The following TIAM2 variants were observed in gnomAD, a reference collection of about 807,000 sequenced individuals.
TIAM2 encodes the protein rho guanine nucleotide exchange factor TIAM2.
In TIAM2, 80 loss-of-function variants were observed where a neutral mutation model predicts 152.9. That is an observed-to-expected ratio of 0.52 (90% CI 0.44 to 0.63). TIAM2 has a LOEUF of 0.63. Among genes scored for constraint, TIAM2 ranks in the 30% least tolerant of loss-of-function variants. The pLI is 0.00. For missense variants in TIAM2, 1,965 were observed against 2,120.1 expected, an observed-to-expected ratio of 0.93 and a Z score of 1.44; for synonymous variants, 804 against 838.0, an observed-to-expected ratio of 0.96 and a Z score of 0.70.
chr6:155,099,485 G>A (rs1026377215), intron 2 of TIAM2, among the ~76,000 whole-genome samples: 1 of 152,000 alleles, frequency 6.6e-6, no homozygotes, highest in Non-Finnish European at 1.5e-5. Context: ...AATTTATCTT[G>A]TTCTTCATTT....
chr6:155,032,628 C>T (rs1255236110), intron 1 of TIAM2, among the ~76,000 whole-genome samples: 4 of 152,088 alleles, frequency 2.6e-5, no homozygotes, highest in African/African-American at 9.7e-5. Context: ...GCAACCTCTA[C>T]CTCCCGGGTT....
At chr6:155,062,858 A>G (rs142695897) in intron 1 of TIAM2, among the ~76,000 whole-genome samples, 32 of 152,244 alleles carry the variant, frequency 2.1e-4, no homozygotes, top group African/African-American at 7.2e-4. Context: ...TACAGGCGTG[A>G]GCCACCATGC....
chr6:155,246,247 G>A (rs1783323129), intron 19 of TIAM2, among the ~76,000 whole-genome samples: 1 of 152,056 alleles, frequency 6.6e-6, no homozygotes, highest in African/African-American at 2.4e-5. Flanking sequence ...GAGGGCATCT[G>A]GAGGTTTATC....
At chr6:155,080,150 C>T (rs1289301238) in intron 1 of TIAM2, among the ~76,000 whole-genome samples, 10 of 151,948 alleles carry the variant, frequency 6.6e-5, no homozygotes, top group South Asian at 2.1e-4. Flanking sequence ...CAGAGAGGCA[C>T]GTTATCCGCC....
intron 5 of TIAM2, among the ~76,000 whole-genome samples, chr6:155,138,784 C>T (rs1017336101): frequency 3.9e-5 from 6 of 152,074 alleles, no homozygotes; most frequent in Admixed American, 6.5e-5. Flanking sequence ...TTTATGGCTG[C>T]ATAGTATTCT....
At position 155,028,780 on chromosome 6, in the gene TIAM2, A is replaced by G. The variant is rs905756582; in HGVS notation, c.-209+33288A>G. 8.4e-4 allele frequency among the ~76,000 whole-genome samples: 100 copies of G among 118,692 alleles called. 1 individual carries two copies. The highest frequency in any genetic ancestry group is 3.7e-3 in the African/African-American group (95 of 25,752). The allele number at this position is 118,692 out of a possible 152,430, so 77.9% of individuals were successfully genotyped here. On this transcript the variant is annotated intron_variant, in intron 1 of 26. Transcript: ENST00000682666. ...ATATATATACTGTGTTATATACTAC[A>G]TGTAATATATATACTGTGTTATATA... is the stretch of plus-strand genomic sequence containing the variant.
chr6:155,045,040 TTTTC>T (rs1777137308), intron 1 of TIAM2, among the ~76,000 whole-genome samples: 2 of 150,166 alleles, frequency 1.3e-5, no homozygotes, highest in Admixed American at 6.7e-5. Flanking sequence ...CCCTTTTTCT[TTTTC>T]TTTTTCTTTT....
intron 2 of TIAM2, among the ~76,000 whole-genome samples, chr6:155,092,994 A>T (rs557064700): frequency 1.3e-5 from 2 of 152,370 alleles, no homozygotes; most frequent in African/African-American, 4.8e-5. Context: ...CAGAAAGAAT[A>T]GACTTGCTTA....
At position 155,137,343 on chromosome 6, in the gene TIAM2, T is replaced by G; in HGVS notation, c.1361T>G (p.Leu454Arg). 1.2e-6 allele frequency: 2 copies of G among 1,614,206 alleles called. No homozygotes were observed. The highest frequency in any genetic ancestry group is 1.7e-6 in the Non-Finnish European group (2 of 1,180,052). Residue 454 changes from leucine (L) to arginine (R), a missense_variant, in exon 5 of 27, where the codon CTC (leucine) becomes CGC (arginine). Leu to Arg is a moderately radical substitution (Grantham distance 102). Transcript: ENST00000682666. ...ESTHAIGSDPLRQNIYENFMR... is the reference protein window; with the variant it reads ...ESTHAIGSDPRRQNIYENFMR... ...ACACATGCGATTGGCAGCGATCCCC[T>G]CCGGCAGAACATTTATGAGAATTTC...
intron 7 of TIAM2, among the ~76,000 whole-genome samples, chr6:155,164,211 G>A (rs536877006): frequency 7.0e-6 from 1 of 142,920 alleles, no homozygotes; most frequent in African/African-American, 2.5e-5. Context: ...CTGACCTTCA[G>A]TGATCTGCCT....
chr6:155,096,977 A>C (rs1446334011), intron 2 of TIAM2, among the ~76,000 whole-genome samples: 1 of 152,190 alleles, frequency 6.6e-6, no homozygotes, highest in Non-Finnish European at 1.5e-5. Context: ...AAGAGTGTAC[A>C]AGGGTTTCCC....
chr6:155,057,540 A>C (rs73571693), intron 1 of TIAM2, among the ~76,000 whole-genome samples: 10,158 of 68,678 alleles, frequency 0.15, 534 homozygotes, highest in East Asian at 0.36. Flanking sequence ...TCCATAATGT[A>C]CTTTTTTTTT....
At chr6:155,009,938 C>T (rs1225703156) in intron 1 of TIAM2, among the ~76,000 whole-genome samples, 6 of 151,974 alleles carry the variant, frequency 3.9e-5, no homozygotes, top group Non-Finnish European at 8.8e-5. Flanking sequence ...CTGCAACCTC[C>T]ACCTCCTGGG....
intron 8 of TIAM2, 112 bp from the exon 9 acceptor site, chr6:155,165,150 GC>G (rs1227608758): frequency 1.8e-5 from 21 of 1,140,870 alleles, no homozygotes; most frequent in East Asian, 1.0e-4. Flanking sequence ...ACATGCAGGA[GC>G]TTTTGGCGAT....
In TIAM2 at chr6:155,126,251, C is replaced by T. The variant is rs567114378; in HGVS notation, c.-117-1239C>T. ...AAAGACAAATGCTTTCACTTATATG[C>T]GGTATCTAGAGTCCTCAAATTCATA... On this transcript the variant is annotated intron_variant, in intron 2 of 26. Transcript: ENST00000682666. Among the ~76,000 whole-genome samples the T allele has an allele frequency of 3.9e-5, 6 of 152,284 alleles. No individual in the cohort carries two copies. The East Asian group carries it at 5.8e-4, about 15-fold the overall frequency.
chr6:155,016,359 A>G (rs1778580902), intron 1 of TIAM2: 1 of 152,196 alleles, frequency 6.6e-6, no homozygotes, highest in Non-Finnish European at 1.5e-5. Flanking sequence ...GAGAAAAGAA[A>G]AGGCAAGAAC....
At chr6:155,163,957 G>A (rs1159800804) in intron 7 of TIAM2, among the ~76,000 whole-genome samples, 1 of 128,156 alleles carries the variant, frequency 7.8e-6, no homozygotes, top group African/African-American at 2.7e-5. Context: ...GGATGACCCA[G>A]TGCATTTTGT....
chr6:155,075,753 G>A (rs1219130480), intron 1 of TIAM2, among the ~76,000 whole-genome samples: 7 of 152,112 alleles, frequency 4.6e-5, no homozygotes, highest in Non-Finnish European at 1.0e-4. Context: ...AAAGAATTTT[G>A]TGCATGAAAC....
chr6:155,062,493 G>GTTTAT (rs1562304868), intron 1 of TIAM2, among the ~76,000 whole-genome samples: 1 of 129,466 alleles, frequency 7.7e-6, no homozygotes, highest in Non-Finnish European at 1.8e-5. Flanking sequence ...GGAGTTACCA[G>GTTTAT]TTTATTTTAT....
Sources: gnomAD v4.1 joint callset for allele counts (sites outside exome capture counted in the v4.1 genomes callset) on GRCh38, gnomAD v4.1.1 for gene constraint, MANE v1.5 for transcripts, NCBI Gene and HGNC (gene_info 2026-07-23, HGNC 2026-07-21) for gene names.